Variants in GPHN observed in about 807,000 individuals in gnomAD.
The protein encoded by GPHN is gephyrin.
GPHN carries 17 observed loss-of-function variants against 95.5 expected under a neutral mutation model. The observed-to-expected ratio is 0.18, with a 90% CI of 0.12 to 0.27. The LOEUF (loss-of-function observed/expected upper bound fraction) is 0.27. Among genes scored for constraint, GPHN ranks in the 10% least tolerant of loss-of-function variants. GPHN has a pLI of 1.00. For synonymous variants in GPHN, 320 were observed against 322.5 expected, an observed-to-expected ratio of 0.99 and a Z score of 0.08; for missense variants, 660 against 978.1, an observed-to-expected ratio of 0.67 and a Z score of 4.34.
chr14:67,579,847 C>T, the GPHN span: 8 of 1,605,354 alleles, frequency 5.0e-6, no homozygotes, highest in Non-Finnish European at 6.8e-6. Context: ...GGGCAGGGAC[C>T]TGGAGCACTG....
At chr14:66,549,860 A>G (rs966181133) in intron 1 of GPHN, among the ~76,000 whole-genome samples, 1 of 152,214 alleles carries the variant, frequency 6.6e-6, no homozygotes, top group African/African-American at 2.4e-5. Context: ...CCTGTGCTGT[A>G]TAAAGGGAAC....
At chr14:67,263,628 G>A in the GPHN span, among the ~76,000 whole-genome samples, 6 of 152,144 alleles carry the variant, frequency 3.9e-5, no homozygotes, top group Non-Finnish European at 8.8e-5. Flanking sequence ...TACAGACTTG[G>A]TGTGTGTTTT....
the GPHN span, among the ~76,000 whole-genome samples, chr14:67,379,654 C>CTTTTTTTTTTTTTTTTTTTTTTTT: frequency 1.9e-4 from 23 of 119,952 alleles, no homozygotes; most frequent in East Asian, 1.5e-3. Flanking sequence ...TTTTCTTTTT[C>CTTTTTTTTTTTTTTTTTTTTTTTT]TTTTTTTTTT....
At chr14:67,204,753 A>T in the GPHN span, 1 of 1,613,850 alleles carries the variant, frequency 6.2e-7, no homozygotes, top group Non-Finnish European at 8.5e-7. Context: ...GTCTCTCAGG[A>T]ATTACGAATA....
At chr14:66,550,780 C>G (rs1295881809) in intron 1 of GPHN, among the ~76,000 whole-genome samples, 4 of 152,154 alleles carry the variant, frequency 2.6e-5, no homozygotes, top group African/African-American at 9.7e-5. Flanking sequence ...GCAAGACTCT[C>G]CACCAGCAAA....
At chr14:66,684,230 A>G (rs2067187955) in intron 2 of GPHN, among the ~76,000 whole-genome samples, 1 of 152,144 alleles carries the variant, frequency 6.6e-6, no homozygotes, top group Admixed American at 6.5e-5. Context: ...TTTAGCCTCA[A>G]TACTGTTAGA....
the GPHN span, chr14:67,316,808 CTTCT>C: frequency 2.7e-4 from 427 of 1,588,582 alleles, no homozygotes; most frequent in African/African-American, 5.2e-3. Context: ...ATATTTTACC[CTTCT>C]TTTTCTTTCT....
At chr14:66,660,177 C>T (rs1281352434) in intron 1 of GPHN, among the ~76,000 whole-genome samples, 2 of 151,882 alleles carry the variant, frequency 1.3e-5, no homozygotes, top group African/African-American at 4.8e-5. Flanking sequence ...ATTTATATCT[C>T]ATTACCCTCT....
At chr14:67,697,738 A>C in the GPHN span, among the ~76,000 whole-genome samples, 6 of 152,336 alleles carry the variant, frequency 3.9e-5, no homozygotes, top group Non-Finnish European at 8.8e-5. Context: ...CAGAGGAGCC[A>C]AGACACCAAA....
chr14:66,746,875 T>G (rs566524722), intron 2 of GPHN, among the ~76,000 whole-genome samples: 81 of 152,256 alleles, frequency 5.3e-4, no homozygotes, highest in Non-Finnish European at 9.0e-4. Context: ...CTCAGAGTTT[T>G]GACTCCTGCA....
intron 2 of GPHN, among the ~76,000 whole-genome samples, chr14:66,766,380 C>T (rs1391147555): frequency 6.6e-6 from 1 of 152,054 alleles, no homozygotes; most frequent in African/African-American, 2.4e-5. Context: ...AGAAGGACTA[C>T]ACTTTAGGAG....
At chr14:67,124,098 A>C (rs563835227) in intron 17 of GPHN, among the ~76,000 whole-genome samples, 1 of 151,922 alleles carries the variant, frequency 6.6e-6, no homozygotes, top group Admixed American at 6.5e-5. Context: ...TTGTATTTGC[A>C]TGGATGTTTA....
intron 1 of GPHN, among the ~76,000 whole-genome samples, chr14:66,611,102 G>A (rs1247392469): frequency 2.0e-5 from 3 of 152,020 alleles, no homozygotes; most frequent in East Asian, 1.9e-4. Flanking sequence ...TAATAAAAGC[G>A]GCTTTAATAA....
At chr14:67,658,817 A>G in the GPHN span, among the ~76,000 whole-genome samples, 3 of 152,174 alleles carry the variant, frequency 2.0e-5, no homozygotes, top group African/African-American at 7.2e-5. Context: ...TAAGTACTTC[A>G]TTCTCAAGGG....
At chr14:67,408,794 T>G in the GPHN span, among the ~76,000 whole-genome samples, 26,203 of 152,170 alleles carry the variant, frequency 0.17, 5,125 homozygotes, top group African/African-American at 0.48. Flanking sequence ...CTACGCATAT[T>G]TTTTCTTTAC....
the GPHN span, among the ~76,000 whole-genome samples, chr14:67,494,148 A>G: frequency 6.6e-6 from 1 of 152,172 alleles, no homozygotes; most frequent in African/African-American, 2.4e-5. Context: ...GAAAGCACCC[A>G]GTCTTGCTAA....
the GPHN span, among the ~76,000 whole-genome samples, chr14:67,491,314 A>G: frequency 6.6e-6 from 1 of 152,100 alleles, no homozygotes; most frequent in Admixed American, 6.5e-5. Flanking sequence ...CTTATTCAAG[A>G]GTTTTTATGT....
At chr14:66,964,166 G>A (rs2069154606) in intron 8 of GPHN, among the ~76,000 whole-genome samples, 2 of 152,024 alleles carry the variant, frequency 1.3e-5, no homozygotes, top group Admixed American at 1.3e-4. Context: ...CTTTATGTTT[G>A]TATATTTTTA....
At chr14:67,383,121 A>G in the GPHN span, among the ~76,000 whole-genome samples, 1 of 152,178 alleles carries the variant, frequency 6.6e-6, no homozygotes, top group Non-Finnish European at 1.5e-5. Context: ...TCCTTTTTCT[A>G]TACTATTCTC....
Sources: allele counts gnomAD v4.1 joint callset (sites outside exome capture counted in the v4.1 genomes callset), GRCh38; gene constraint gnomAD v4.1.1; transcripts MANE v1.5; gene names NCBI Gene and HGNC (gene_info 2026-07-23, HGNC 2026-07-21).